GPR149: variants seen among roughly 807,000 people sequenced by gnomAD.
GPR149 encodes the protein probable G protein-coupled receptor 149.
GPR149 carries 50 observed loss-of-function variants against 50.2 expected under a neutral mutation model. The ratio of observed to expected loss-of-function variants is 1.00; its 90% CI spans 0.79 to 1.26. The LOEUF is 1.26. Ranked by LOEUF, GPR149 falls within the 50% of genes most tolerant of loss-of-function variation. The pLI, the probability that GPR149 is intolerant of heterozygous loss-of-function variation, is 0.00. For missense variants in GPR149, 983 were observed against 895.4 expected, an observed-to-expected ratio of 1.10 and a Z score of -1.25; for synonymous variants, 405 against 358.2, an observed-to-expected ratio of 1.13 and a Z score of -1.48.
At chr3:154,355,607 A>T (rs776708847) in intron 3 of GPR149, among the ~76,000 whole-genome samples, 5 of 152,198 alleles carry the variant, frequency 3.3e-5, no homozygotes, top group African/African-American at 4.8e-5. Flanking sequence ...CTGTTTTTCT[A>T]ACAAAATAAA....
chr3:154,352,698 T>C (rs1559971581), intron 3 of GPR149: 15 of 782,018 alleles, frequency 1.9e-5, no homozygotes, highest in Non-Finnish European at 3.1e-5. Flanking sequence ...TCTGAGCTGA[T>C]GGTCAGAAAA....
At chr3:154,407,719 CAT>C (rs1553766409) in intron 3 of GPR149, among the ~76,000 whole-genome samples, 5 of 150,362 alleles carry the variant, frequency 3.3e-5, no homozygotes, top group African/African-American at 9.8e-5. Flanking sequence ...CACACACACA[CAT>C]ATATATATAT....
chr3:154,380,023 C>A (rs1005352659), intron 3 of GPR149, among the ~76,000 whole-genome samples: 1 of 151,970 alleles, frequency 6.6e-6, no homozygotes, highest in Non-Finnish European at 1.5e-5. Context: ...CCAGAATGAT[C>A]TTCTATTGTC....
chr3:154,392,378 ACAAAAAAACC>A (rs1210293313), intron 3 of GPR149, among the ~76,000 whole-genome samples: 20 of 151,450 alleles, frequency 1.3e-4, no homozygotes, highest in Admixed American at 4.6e-4. Flanking sequence ...AAACAAACAA[ACAAAAAAACC>A]CAAACAAAAA....
intron 2 of GPR149, 110 bp downstream of exon 2, chr3:154,427,406 T>C (rs925342846): frequency 1.1e-5 from 9 of 800,242 alleles, no homozygotes; most frequent in African/African-American, 3.4e-5. Context: ...ACCACTGACA[T>C]TTATCCTTGG....
intron 3 of GPR149, among the ~76,000 whole-genome samples, chr3:154,367,345 C>CTT (rs56060915): frequency 2.0e-5 from 3 of 151,354 alleles, no homozygotes; most frequent in Non-Finnish European, 4.4e-5. Flanking sequence ...TTCCCCCCCC[C>CTT]GAAACTAAAA....
chr3:154,406,168 T>C (rs897755947), intron 3 of GPR149, among the ~76,000 whole-genome samples: 8 of 152,222 alleles, frequency 5.3e-5, no homozygotes, highest in Middle Eastern at 3.4e-3. Context: ...ATAAAAACTA[T>C]TCAAGCTTGC....
rs143977469 is a variant in GPR149, at chr3:154,365,114, T to C, written c.1624-26843A>G. Among the ~76,000 whole-genome samples the C allele has an allele frequency of 1.1e-4, 16 of 152,242 alleles. No individual in the cohort carries two copies. The East Asian group carries it at 3.1e-3, about 29-fold the overall frequency. On this transcript the variant is annotated intron_variant, in intron 3 of 3. Transcript: ENST00000389740. ...TCATCCTTTGAAATCTAGGTGGAGG[T>C]AGCAATACCTCCACAGCTTGTGTAC...
chr3:154,412,397 C>T (rs1017688661), intron 3 of GPR149, among the ~76,000 whole-genome samples: 1 of 151,972 alleles, frequency 6.6e-6, no homozygotes, highest in African/African-American at 2.4e-5. Context: ...GGAAGTCAAA[C>T]TGTTGCTGTT....
chr3:154,389,289 A>C (rs930489260), intron 3 of GPR149, among the ~76,000 whole-genome samples: 2 of 152,148 alleles, frequency 1.3e-5, no homozygotes, highest in African/African-American at 4.8e-5. Flanking sequence ...AGTCTCCTGC[A>C]TCCTGGAGCA....
intron 3 of GPR149, among the ~76,000 whole-genome samples, chr3:154,384,131 A>T (rs1354159687): frequency 6.6e-6 from 1 of 152,210 alleles, no homozygotes; most frequent in Non-Finnish European, 1.5e-5. Context: ...GAGACAATGT[A>T]CTTTGCACTC....
chr3:154,350,901 A>G (rs1041036309), intron 3 of GPR149, among the ~76,000 whole-genome samples: 1 of 152,134 alleles, frequency 6.6e-6, no homozygotes, highest in Non-Finnish European at 1.5e-5. Flanking sequence ...TCATCTCTAG[A>G]TTACTTATAA....
Position 154,357,966 on chromosome 3 carries a change from AATG to A in GPR149, c.1624-19698_1624-19696del, listed in dbSNP as rs545226148. The stretch of plus-strand genomic sequence containing the variant: ...CATGGAATACTATGCAGCCATAAAA[AATG>A]ATGAGTTCATGTCCTTTGTAGGGAC... On this transcript the variant is annotated intron_variant, in intron 3 of 3. Transcript: ENST00000389740. Among the ~76,000 whole-genome samples, 1,155 of 152,336 alleles carry A rather than the reference AATG, an allele frequency of 7.6e-3. 11 individuals are homozygous for A. The highest frequency in any genetic ancestry group is 0.027 in the African/African-American group (1,104 of 41,560).
chr3:154,343,173 G>A (rs1345520914), intron 3 of GPR149, among the ~76,000 whole-genome samples: 3 of 152,080 alleles, frequency 2.0e-5, no homozygotes, highest in East Asian at 3.9e-4. Flanking sequence ...AAATAGTCAT[G>A]AGAAATCAGC....
At chr3:154,424,555 A>T (rs1229777083) in intron 2 of GPR149, among the ~76,000 whole-genome samples, 1 of 151,904 alleles carries the variant, frequency 6.6e-6, no homozygotes, top group Non-Finnish European at 1.5e-5. Flanking sequence ...ATTTTTTAAA[A>T]ACTGTTTTTT....
chr3:154,337,070 G>T lies in GPR149; in HGVS notation c.*629C>A, dbSNP rs1361791245. 2 of 151,978 alleles carry T rather than the reference G, an allele frequency of 1.3e-5. No homozygotes were observed. The highest frequency in any genetic ancestry group is 2.9e-5 in the Non-Finnish European group (2 of 67,984). 9.4% of individuals were successfully genotyped at this position (151,978 alleles called of 1,614,324 possible). A position where few individuals can be genotyped will look rare whatever the true frequency, so the allele number is the denominator to read the frequency against. On this transcript the variant is annotated 3_prime_UTR_variant, in exon 4 of 4. Coordinates refer to ENST00000389740, the MANE Select transcript of GPR149 (RefSeq NM_001038705.3). ...AAAGATGAAAGGAAAACTGTTATAG[G>T]TAAGAAAAAAAGAAAAAACAGTAAA...
intron 3 of GPR149, among the ~76,000 whole-genome samples, chr3:154,414,484 T>G (rs1711932028): frequency 6.6e-6 from 1 of 152,022 alleles, no homozygotes; most frequent in South Asian, 2.1e-4. Flanking sequence ...CAGTGCATGC[T>G]AAAGTTAGTT....
At chr3:154,360,318 G>C (rs1319650719) in intron 3 of GPR149, among the ~76,000 whole-genome samples, 3 of 152,104 alleles carry the variant, frequency 2.0e-5, no homozygotes, top group African/African-American at 4.8e-5. Flanking sequence ...TTTACTGAAG[G>C]TACTAAAGCA....
In GPR149 at chr3:154,372,359, G is replaced by A. The variant is rs995482509; in HGVS notation, c.1624-34088C>T. ...TTGTTGTAAACTTCCCTGTGTCCTC[G>A]CTCCCTCTCTCCCTTCCGCCCTCCA... On this transcript the variant is annotated intron_variant, in intron 3 of 3. Coordinates refer to ENST00000389740, the MANE Select transcript of GPR149 (RefSeq NM_001038705.3). 9.2e-5 allele frequency among the ~76,000 whole-genome samples: 14 copies of A among 152,056 alleles called. 1 individual carries two copies. The South Asian group carries it at 1.2e-3, about 14-fold the overall frequency.
Sources: gnomAD v4.1 joint callset for allele counts (sites outside exome capture counted in the v4.1 genomes callset) on GRCh38, gnomAD v4.1.1 for gene constraint, MANE v1.5 for transcripts, NCBI Gene and HGNC (gene_info 2026-07-23, HGNC 2026-07-21) for gene names.